Variants in TAF15 observed in about 807,000 individuals in gnomAD.
The protein encoded by TAF15 is TATA-binding protein-associated factor 2N.
Under a neutral mutation model 102.5 loss-of-function variants are expected in TAF15, and 37 were observed. That is an observed-to-expected ratio of 0.36 (90% CI 0.28 to 0.47). The LOEUF is 0.47. Ranked by LOEUF, TAF15 falls within the 20% of genes least tolerant of loss-of-function variation. The pLI is 0.99. For synonymous variants in TAF15, 273 were observed against 259.2 expected (o/e 1.05, Z -0.51); for missense variants, 652 against 760.7 (o/e 0.86, Z 1.68).
chr17:35,846,638 G>GAAATATTTGTGAA (rs2087626081), intron 15 of TAF15, among the ~76,000 whole-genome samples: 1 of 152,138 alleles, frequency 6.6e-6, no homozygotes, highest in African/African-American at 2.4e-5. Context: ...GACAGTTTCT[G>GAAATATTTGTGAA]ATCTTCTGAA....
intron 11 of TAF15, among the ~76,000 whole-genome samples, chr17:35,840,235 T>G (rs1376415722): frequency 6.6e-6 from 1 of 150,942 alleles, no homozygotes; most frequent in African/African-American, 2.4e-5. Context: ...AAAACATAAT[T>G]GCGTTATTTT....
At chr17:35,816,442 G>T (rs1333364646) in intron 1 of TAF15, among the ~76,000 whole-genome samples, 1 of 152,188 alleles carries the variant, frequency 6.6e-6, no homozygotes, top group Non-Finnish European at 1.5e-5. Context: ...AGCTGTGATG[G>T]CACCACTGCA....
intron 7 of TAF15, among the ~76,000 whole-genome samples, chr17:35,829,524 C>T (rs760628581): frequency 1.4e-4 from 20 of 144,128 alleles, no homozygotes; most frequent in African/African-American, 4.4e-4. Flanking sequence ...CCCAGCTACT[C>T]GGGAGGCTGA....
intron 1 of TAF15, chr17:35,809,802 T>C: frequency 4.8e-6 from 3 of 625,312 alleles, no homozygotes; most frequent in Non-Finnish European, 8.4e-6. Flanking sequence ...TCTTGTCTTT[T>C]GACCCTGTCC....
Position 35,820,228 on chromosome 17 carries a change from G to A in TAF15, c.164G>A (p.Ser55Asn), listed in dbSNP as rs776594217. 2 of 1,614,096 alleles carry A rather than the reference G, an allele frequency of 1.2e-6. No individual in the cohort carries two copies. The highest frequency in any genetic ancestry group is 1.7e-6 in the Non-Finnish European group (2 of 1,179,954). The change falls in exon 4 of 16, where the codon AGT becomes AAT. Residue 55 changes from serine (S) to asparagine (N), a missense_variant. This residue lies in a region of TAF15 where 243 missense variants were observed against 284.1 expected (regional missense o/e 0.86). Coordinates refer to ENST00000605844, the MANE Select transcript of TAF15 (RefSeq NM_139215.3). Reference sequence around the variant, plus strand: ...GGACAGAACTACAGCGGTTACTCCAGTTATGGACAAAGTCAGTCAGGTTGG... The same window carrying A: ...GGACAGAACTACAGCGGTTACTCCAATTATGGACAAAGTCAGTCAGGTTGG... ...SYGQNYSGYS[S>N]YGQSQSGYSQ...
rs1387597922 is a variant in TAF15, at chr17:35,844,842, T to G, written c.1543T>G (p.Tyr515Asp). The G allele has an allele frequency of 6.3e-7, 1 of 1,596,148 alleles. No individual in the cohort carries two copies. Among genetic ancestry groups the G allele is most frequent in the Non-Finnish European group, 8.6e-7 (1 of 1,169,474 alleles). ...AGGTTACGGAGGAGATCGAGGAGGTTATGGAGGAGATCGAGGAGGCTATGG... is the reference window on the plus strand; with the variant it reads ...AGGTTACGGAGGAGATCGAGGAGGTGATGGAGGAGATCGAGGAGGCTATGG... ...RGGYGGDRGG[Y>D]GGDRGGYGGD... Residue 515 changes from tyrosine (Y) to aspartate (D), a missense_variant, in exon 15 of 16, where the codon TAT becomes GAT. Physicochemically the swap from Tyr to Asp is radical, Grantham distance 160 (BLOSUM62 -3). Coordinates refer to ENST00000605844, the MANE Select transcript of TAF15 (RefSeq NM_139215.3).
rs561808434 is a variant in TAF15, at chr17:35,815,497, A to G, written c.8-2219A>G. Among the ~76,000 whole-genome samples, 11 of 152,336 alleles carry G rather than the reference A, an allele frequency of 7.2e-5. No homozygotes were observed. The South Asian group carries it at 2.1e-3, about 29-fold the overall frequency. On this transcript the variant is annotated intron_variant, in intron 1 of 15. Transcript: ENST00000605844. ...AGATTTATAATTTCAGAGGGCTGAA[A>G]TGACTGGGTTAAGATTAAGGGCCTT...
At chr17:35,831,347 C>T (rs537411027) in intron 7 of TAF15, among the ~76,000 whole-genome samples, 1 of 150,028 alleles carries the variant, frequency 6.7e-6, no homozygotes, top group Admixed American at 6.7e-5. Context: ...GCGGAGCTTG[C>T]AGTGAGCCGA....
chr17:35,837,553 C>T (rs748303333), intron 10 of TAF15, among the ~76,000 whole-genome samples: 10 of 151,644 alleles, frequency 6.6e-5, no homozygotes, highest in South Asian at 4.2e-4. Flanking sequence ...TACGGCCGGG[C>T]GTGGTGGCTC....
chr17:35,811,753 A>G (rs2087126642), intron 1 of TAF15, among the ~76,000 whole-genome samples: 1 of 152,246 alleles, frequency 6.6e-6, no homozygotes, highest in Admixed American at 6.5e-5. Flanking sequence ...CTAACATTCA[A>G]ATACTGTTTA....
intron 1 of TAF15, among the ~76,000 whole-genome samples, chr17:35,816,000 C>T (rs952234488): frequency 2.6e-5 from 4 of 152,070 alleles, no homozygotes; most frequent in East Asian, 3.9e-4. Flanking sequence ...CTCATTCTGT[C>T]GCTAAAGCTG....
chr17:35,843,271 G>A (rs2087569563), intron 12 of TAF15, among the ~76,000 whole-genome samples: 1 of 152,050 alleles, frequency 6.6e-6, no homozygotes, highest in South Asian at 2.1e-4. Flanking sequence ...TTACAGGCAT[G>A]CGCCACCATG....
At chr17:35,814,059 C>T (rs1015835179) in intron 1 of TAF15, among the ~76,000 whole-genome samples, 1 of 151,690 alleles carries the variant, frequency 6.6e-6, no homozygotes, top group Non-Finnish European at 1.5e-5. Flanking sequence ...GTGCACACTG[C>T]CTTACCTGGC....
chr17:35,813,655 A>AT (rs1357316585), intron 1 of TAF15, among the ~76,000 whole-genome samples: 1 of 128,734 alleles, frequency 7.8e-6, no homozygotes, highest in Non-Finnish European at 1.6e-5. Flanking sequence ...GCAAAAAAAG[A>AT]TTAAGAAACA....
intron 7 of TAF15, among the ~76,000 whole-genome samples, chr17:35,831,276 G>A (rs925101077): frequency 1.1e-4 from 16 of 151,880 alleles, no homozygotes; most frequent in Middle Eastern, 3.4e-3. Context: ...GCATGGTGGC[G>A]GGCGCCTGTA....
Position 35,844,861 on chromosome 17 carries a change from G to A in TAF15, c.1562G>A (p.Gly521Asp). The change falls in exon 15 of 16, where the codon GGC becomes GAC. Residue 521 changes from glycine to aspartate, a missense_variant. Physicochemically the swap from Gly to Asp is moderately conservative, Grantham distance 94. Around this residue, in one of 3 missense-constraint regions of TAF15, gnomAD observed 368 missense variants for 367.5 expected, o/e 1.00. Coordinates refer to ENST00000605844, the MANE Select transcript of TAF15 (RefSeq NM_139215.3). The part of the protein sequence containing the change: ...DRGGYGGDRG[G>D]YGGDRSRGGY... The stretch of plus-strand genomic sequence containing the variant: ...GGAGGTTATGGAGGAGATCGAGGAG[G>A]CTATGGAGGAGACAGAAGCCGGGGG... 1 of 1,612,496 alleles carries A rather than the reference G, an allele frequency of 6.2e-7. No homozygotes were observed. The highest frequency in any genetic ancestry group is 8.5e-7 in the Non-Finnish European group (1 of 1,178,974).
intron 5 of TAF15, among the ~76,000 whole-genome samples, chr17:35,820,809 CAAA>C (rs949351641): frequency 6.6e-6 from 1 of 151,916 alleles, no homozygotes; most frequent in Non-Finnish European, 1.5e-5. Flanking sequence ...TTTTCAGGGA[CAAA>C]AATATTTTTT....
chr17:35,839,657 C>T (rs938445999), intron 11 of TAF15, among the ~76,000 whole-genome samples: 1 of 152,148 alleles, frequency 6.6e-6, no homozygotes, highest in African/African-American at 2.4e-5. Flanking sequence ...GCTGGGATTA[C>T]AGGCGTGAGC....
At chr17:35,812,910 C>G (rs1202279534) in intron 1 of TAF15, among the ~76,000 whole-genome samples, 1 of 151,726 alleles carries the variant, frequency 6.6e-6, no homozygotes, top group African/African-American at 2.4e-5. Flanking sequence ...GGTGGATCAC[C>G]TGAGGTCAGA....
Sources: allele counts gnomAD v4.1 joint callset (sites outside exome capture counted in the v4.1 genomes callset), GRCh38; gene constraint gnomAD v4.1.1; regional missense constraint gnomAD v4.1.1; transcripts MANE v1.5; gene names NCBI Gene and HGNC (gene_info 2026-07-23, HGNC 2026-07-21).